The following MYO3B variants were observed in gnomAD, a reference collection of about 807,000 sequenced individuals.
MYO3B encodes myosin-IIIb.
In MYO3B, 156 loss-of-function variants were observed where a neutral mutation model predicts 174.6. The ratio of observed to expected loss-of-function variants is 0.89; its 90% CI spans 0.78 to 1.02. The LOEUF (loss-of-function observed/expected upper bound fraction) is 1.02. Among genes scored for constraint, MYO3B ranks in the 50% least tolerant of loss-of-function variants. The probability of loss-of-function intolerance (pLI) is 0.00; values close to 1 mark genes in which losing one functional copy is unlikely to be tolerated. For synonymous variants in MYO3B, 563 were observed against 569.1 expected, an observed-to-expected ratio of 0.99 and a Z score of 0.15; for missense variants, 1,632 against 1,639.4, an observed-to-expected ratio of 1.00 and a Z score of 0.08.
intron 7 of MYO3B, among the ~76,000 whole-genome samples, chr2:170,307,940 C>T (rs763842876): frequency 1.3e-5 from 2 of 152,152 alleles, no homozygotes; most frequent in African/African-American, 2.4e-5. Flanking sequence ...GGTCCAGAGT[C>T]GATCCCTGCC....
chr2:170,256,186 G>GA (rs2093302848), intron 7 of MYO3B, among the ~76,000 whole-genome samples: 2 of 152,170 alleles, frequency 1.3e-5, no homozygotes, highest in Admixed American at 1.3e-4. Flanking sequence ...GAGAAGGAGA[G>GA]AGAGTTAGCA....
intron 7 of MYO3B, among the ~76,000 whole-genome samples, chr2:170,283,410 G>T (rs1376021487): frequency 6.6e-6 from 1 of 152,090 alleles, no homozygotes; most frequent in East Asian, 1.9e-4. Context: ...TTACTTATAT[G>T]TTCTATTTAA....
intron 32 of MYO3B, among the ~76,000 whole-genome samples, chr2:170,560,697 A>G (rs1691648319): frequency 6.6e-6 from 1 of 152,230 alleles, no homozygotes; most frequent in Admixed American, 6.5e-5. Context: ...AGCCGTTTTT[A>G]TGCCAGGACA....
intron 32 of MYO3B, among the ~76,000 whole-genome samples, chr2:170,632,442 C>A (rs1161930924): frequency 6.6e-6 from 1 of 151,992 alleles, no homozygotes; most frequent in African/African-American, 2.4e-5. Flanking sequence ...AGAACAAAGA[C>A]ACAACATACC....
chr2:170,652,071 C>T (rs1699047272), intron 33 of MYO3B, 37 bp from the exon 34 acceptor site: 6 of 1,591,638 alleles, frequency 3.8e-6, no homozygotes, highest in African/African-American at 1.4e-5. Flanking sequence ...CGACTTGCTG[C>T]TTTGCTTTGA....
At chr2:170,221,241 C>A (rs936236416) in intron 6 of MYO3B, among the ~76,000 whole-genome samples, 2 of 151,992 alleles carry the variant, frequency 1.3e-5, no homozygotes, top group African/African-American at 4.8e-5. Flanking sequence ...AATACCAATG[C>A]CAGTGGAATA....
intron 28 of MYO3B, among the ~76,000 whole-genome samples, chr2:170,504,117 C>A (rs141285044): frequency 5.3e-5 from 8 of 152,304 alleles, no homozygotes; most frequent in East Asian, 3.9e-4. Context: ...CCTAGTAGAA[C>A]CAGACCCAGA....
At chr2:170,369,064 G>A (rs567034856) in intron 8 of MYO3B, 158 bp from the exon 9 acceptor site, 2 of 514,884 alleles carry the variant, frequency 3.9e-6, no homozygotes, top group African/African-American at 3.8e-5. Flanking sequence ...CTATTTTTCT[G>A]TTTTCTGGTA....
chr2:170,281,647 AC>A (rs1203018710), intron 7 of MYO3B, among the ~76,000 whole-genome samples: 2 of 152,284 alleles, frequency 1.3e-5, no homozygotes, highest in Admixed American at 1.3e-4. Context: ...AGTTAAAAAG[AC>A]CTCATATTAA....
chr2:170,486,356 G>A (rs1450018314), intron 25 of MYO3B, among the ~76,000 whole-genome samples: 1 of 138,910 alleles, frequency 7.2e-6, no homozygotes, highest in Non-Finnish European at 1.5e-5. Flanking sequence ...CCAGGCTGGA[G>A]TGCAATGGCG....
rs1575240618 is a variant in MYO3B, at chr2:170,608,733, C to A, written c.3734-42895C>A. Among the ~76,000 whole-genome samples the A allele has an allele frequency of 6.6e-5, 10 of 152,206 alleles. No homozygotes were observed. The South Asian group carries it at 2.1e-3, about 32-fold the overall frequency. On this transcript the variant is annotated intron_variant, in intron 32 of 34. Coordinates refer to ENST00000408978, the MANE Select transcript of MYO3B (RefSeq NM_138995.5). ...TATGTGTGTGTGTGTTTCAGCACTT[C>A]CAGCCTCTCATGAAATTAACCATTG... is the stretch of plus-strand genomic sequence containing the variant.
chr2:170,389,550 T>C (rs1327704708), intron 14 of MYO3B, among the ~76,000 whole-genome samples: 1 of 152,096 alleles, frequency 6.6e-6, no homozygotes, highest in African/African-American at 2.4e-5. Context: ...AAAATGAAAC[T>C]GAAGTGATGC....
At chr2:170,369,200 G>T (rs2094220729) in intron 8 of MYO3B, 22 bp from the exon 9 acceptor site, 1 of 1,608,874 alleles carries the variant, frequency 6.2e-7, no homozygotes. Flanking sequence ...ACTTTGGATT[G>T]TTTGTTGGTT....
intron 8 of MYO3B, chr2:170,344,659 G>T (rs2094003189): frequency 6.6e-6 from 1 of 152,132 alleles, no homozygotes; most frequent in African/African-American, 2.4e-5. Flanking sequence ...TGGACAGGAA[G>T]CAGTCTGCAT....
At chr2:170,596,787 G>T (rs981250886) in intron 32 of MYO3B, among the ~76,000 whole-genome samples, 4 of 152,214 alleles carry the variant, frequency 2.6e-5, no homozygotes, top group Middle Eastern at 3.2e-3. Context: ...TTAGGTGAAA[G>T]AAGCCATTGT....
chr2:170,312,171 A>G (rs1165878049), intron 7 of MYO3B, among the ~76,000 whole-genome samples: 23 of 152,198 alleles, frequency 1.5e-4, no homozygotes, highest in Admixed American at 1.4e-3. Context: ...CGTTTCTTCA[A>G]GGTTTCATCT....
chr2:170,601,731 T>G (rs1694522210), intron 32 of MYO3B: 3 of 1,533,168 alleles, frequency 2.0e-6, no homozygotes, highest in South Asian at 2.3e-5. Context: ...CATCAGGCTT[T>G]CCTTTAGCTC....
chr2:170,209,070 C>A (rs1005510906), intron 3 of MYO3B, among the ~76,000 whole-genome samples: 7 of 152,174 alleles, frequency 4.6e-5, no homozygotes, highest in Non-Finnish European at 1.0e-4. Flanking sequence ...GGCCAGTTTT[C>A]CCAAGGGGCT....
intron 8 of MYO3B, among the ~76,000 whole-genome samples, chr2:170,347,029 A>T (rs1202699407): frequency 2.0e-5 from 3 of 152,208 alleles, no homozygotes; most frequent in African/African-American, 7.2e-5. Context: ...TCATGGCAAA[A>T]TTCATTTAGC....
Sources: gnomAD v4.1 joint callset for allele counts (sites outside exome capture counted in the v4.1 genomes callset) on GRCh38, gnomAD v4.1.1 for gene constraint, MANE v1.5 for transcripts, NCBI Gene and HGNC (gene_info 2026-07-23, HGNC 2026-07-21) for gene names.